SHOC2: variants seen among roughly 807,000 people sequenced by gnomAD.
SHOC2 encodes leucine-rich repeat protein SHOC-2.
In SHOC2, 4 loss-of-function variants were observed where a neutral mutation model predicts 50.2. That is an observed-to-expected ratio of 0.08 (90% CI 0.04 to 0.18). The LOEUF (loss-of-function observed/expected upper bound fraction) is 0.18. SHOC2 is among the 10% of genes least tolerant of loss of function. The probability of loss-of-function intolerance (pLI) is 1.00; values close to 1 mark genes in which losing one functional copy is unlikely to be tolerated. For synonymous variants in SHOC2, 218 were observed against 244.5 expected, an observed-to-expected ratio of 0.89 and a Z score of 1.01; for missense variants, 388 against 669.6, an observed-to-expected ratio of 0.58 and a Z score of 4.64.
At chr10:110,999,309 T>C (rs187976199) in intron 3 of SHOC2, among the ~76,000 whole-genome samples, 1 of 152,340 alleles carries the variant, frequency 6.6e-6, no homozygotes, top group Non-Finnish European at 1.5e-5. Flanking sequence ...TTTTTTTGTA[T>C]CAAAATTAAC....
intron 1 of SHOC2, among the ~76,000 whole-genome samples, chr10:110,926,390 A>G (rs1846773521): frequency 6.6e-6 from 1 of 152,184 alleles, no homozygotes; most frequent in African/African-American, 2.4e-5. Context: ...ACATGTCATA[A>G]TGTTCTTGTT....
chr10:110,984,635 A>G (rs1056037432), intron 2 of SHOC2, among the ~76,000 whole-genome samples: 1 of 152,188 alleles, frequency 6.6e-6, no homozygotes, highest in African/African-American at 2.4e-5. Flanking sequence ...ATAATAATAA[A>G]TAGAAAAATC....
chr10:111,005,753 A>C (rs1325816932), intron 5 of SHOC2, among the ~76,000 whole-genome samples: 1 of 152,192 alleles, frequency 6.6e-6, no homozygotes, highest in Non-Finnish European at 1.5e-5. Context: ...TCAGTGATTT[A>C]ATTTGTACTG....
intron 2 of SHOC2, among the ~76,000 whole-genome samples, chr10:110,976,674 T>TC (rs1020973322): frequency 1.3e-4 from 20 of 152,284 alleles, no homozygotes; most frequent in African/African-American, 4.6e-4. Context: ...TTTCCTTTTT[T>TC]CCCCCCTCAG....
At chr10:110,985,500 C>A in intron 2 of SHOC2, 128 bp from the exon 3 acceptor site, 1 of 608,758 alleles carries the variant, frequency 1.6e-6, no homozygotes, top group South Asian at 2.6e-5. Flanking sequence ...TAAAAGTTGC[C>A]TATCTAATAA....
At chr10:110,991,550 G>C (rs1168728962) in intron 3 of SHOC2, among the ~76,000 whole-genome samples, 1 of 152,048 alleles carries the variant, frequency 6.6e-6, no homozygotes, top group East Asian at 1.9e-4. Flanking sequence ...CTGAGTAAAT[G>C]GCAAAGTAAA....
At chr10:111,001,157 C>CT (rs11379743) in intron 4 of SHOC2, among the ~76,000 whole-genome samples, 73,439 of 129,258 alleles carry the variant, frequency 0.57, 22,564 homozygotes, top group Non-Finnish European at 0.7. Context: ...AGATATAATA[C>CT]TTTTTTTTTT....
At chr10:110,955,485 T>TG (rs951705772) in intron 1 of SHOC2, among the ~76,000 whole-genome samples, 5 of 152,036 alleles carry the variant, frequency 3.3e-5, no homozygotes, top group Middle Eastern at 3.2e-3. Context: ...TTAGTGAGAT[T>TG]GGGGGGGAAA....
At chr10:111,000,292 T>A (rs1189969227) in intron 3 of SHOC2, 123 bp from the exon 4 acceptor site, 3 of 882,230 alleles carry the variant, frequency 3.4e-6, no homozygotes, top group East Asian at 2.5e-5. Flanking sequence ...GTGCTAGAAG[T>A]TAAGGAACTT....
chr10:110,969,618 T>C (rs1295493020), intron 2 of SHOC2, among the ~76,000 whole-genome samples: 1 of 152,190 alleles, frequency 6.6e-6, no homozygotes, highest in African/African-American at 2.4e-5. Flanking sequence ...CTCTGAATTG[T>C]GGGTTTAGGA....
intron 1 of SHOC2, among the ~76,000 whole-genome samples, chr10:110,939,367 GCCA>G (rs1847092919): frequency 6.6e-6 from 1 of 151,986 alleles, no homozygotes; most frequent in Non-Finnish European, 1.5e-5. Context: ...ATAAGCACGT[GCCA>G]CCATGCCTGG....
At chr10:111,002,989 G>T (rs779193504) in intron 4 of SHOC2, among the ~76,000 whole-genome samples, 1 of 152,100 alleles carries the variant, frequency 6.6e-6, no homozygotes, top group African/African-American at 2.4e-5. Context: ...ATTTTCAATC[G>T]TGTAGCCTGT....
At chr10:111,007,142 C>T (rs776312604) in intron 5 of SHOC2, among the ~76,000 whole-genome samples, 14 of 152,112 alleles carry the variant, frequency 9.2e-5, no homozygotes, top group South Asian at 2.1e-4. Context: ...TCATTAGATG[C>T]GTCTTCTTCT....
intron 1 of SHOC2, among the ~76,000 whole-genome samples, chr10:110,920,315 C>T (rs1638571795): frequency 6.6e-6 from 1 of 152,134 alleles, no homozygotes; most frequent in Non-Finnish European, 1.5e-5. Context: ...GGCAACCTCT[C>T]CCCGTGATAG....
intron 3 of SHOC2, among the ~76,000 whole-genome samples, chr10:110,989,346 A>G (rs1237645180): frequency 6.6e-6 from 1 of 152,146 alleles, no homozygotes; most frequent in Non-Finnish European, 1.5e-5. Context: ...TTTAGTCTTA[A>G]TGTTTATCAG....
At chr10:111,003,697 C>T (rs945320568) in intron 4 of SHOC2, among the ~76,000 whole-genome samples, 7 of 152,114 alleles carry the variant, frequency 4.6e-5, no homozygotes, top group South Asian at 2.1e-4. Flanking sequence ...ACCTGGGAAT[C>T]TTGTTAAAAT....
At chr10:111,000,170 C>T (rs759166386) in intron 3 of SHOC2, among the ~76,000 whole-genome samples, 1 of 152,072 alleles carries the variant, frequency 6.6e-6, no homozygotes, top group Non-Finnish European at 1.5e-5. Flanking sequence ...TTTATCTAAT[C>T]GTTCATTTAA....
intron 2 of SHOC2, among the ~76,000 whole-genome samples, chr10:110,976,442 G>T (rs535612859): frequency 3.3e-5 from 5 of 151,296 alleles, no homozygotes; most frequent in Non-Finnish European, 7.4e-5. Flanking sequence ...CTCCCGAGTC[G>T]CTGGGACTAC....
intron 2 of SHOC2, among the ~76,000 whole-genome samples, chr10:110,981,876 T>TATTTATTTTACTC (rs1554859803): frequency 3.0e-5 from 4 of 135,476 alleles, no homozygotes; most frequent in African/African-American, 1.1e-4. Flanking sequence ...ATTTATTTTT[T>TATTTATTTTACTC]TAAGTTTTAG....
Sources: gnomAD v4.1 joint callset for allele counts (sites outside exome capture counted in the v4.1 genomes callset) on GRCh38, gnomAD v4.1.1 for gene constraint, MANE v1.5 for transcripts, NCBI Gene and HGNC (gene_info 2026-07-23, HGNC 2026-07-21) for gene names.